Variants in CCDC163 observed in about 807,000 individuals in gnomAD.
CCDC163 encodes the protein transmembrane protein CCDC163.
Under a neutral mutation model 8.2 loss-of-function variants are expected in CCDC163, and 13 were observed. The observed-to-expected ratio is 1.59, with a 90% CI of 1.04 to 2.54. The LOEUF (loss-of-function observed/expected upper bound fraction) is 2.54. CCDC163 is among the 30% of genes most tolerant of loss of function. CCDC163 has a pLI of 0.00. For missense variants in CCDC163, 117 were observed against 78.6 expected (o/e 1.49, Z -1.85); for synonymous variants, 41 against 30.9 (o/e 1.33, Z -1.08).
chr1:45,497,935 G>A (rs1470416133), intron 2 of CCDC163, among the ~76,000 whole-genome samples: 1 of 147,800 alleles, frequency 6.8e-6, no homozygotes, highest in Admixed American at 6.7e-5. Flanking sequence ...TTGTGGAATA[G>A]AAAGGGGGGA....
Position 45,495,033 on chromosome 1 carries a change from A to G in CCDC163, c.*26T>C. 1 of 780,720 alleles carries G rather than the reference A, an allele frequency of 1.3e-6. No individual in the cohort carries two copies. Among genetic ancestry groups the G allele is most frequent in the South Asian group, 1.3e-5 (1 of 74,604 alleles). The allele number at this position is 780,720 out of a possible 1,614,324, so 48.4% of individuals were successfully genotyped here. A position where few individuals can be genotyped will look rare whatever the true frequency, so the allele number is the denominator to read the frequency against. ...TGGGCAAAGAAGCCTTCATCCTACT[A>G]TTCTTAACGAGTCCTTACAGGTCAT... On this transcript the variant is annotated 3_prime_UTR_variant, in exon 5 of 5. Coordinates refer to ENST00000629482, the MANE Select transcript of CCDC163 (RefSeq NM_001102601.3).
rs71052890 is a variant in CCDC163 at position 45,495,655 on chromosome 1, C to CTTT, written c.331-492_331-490dup. On this transcript the variant is annotated intron_variant, in intron 4 of 4. Transcript: ENST00000629482. ...AGGCTAGGACTCTGGTCTCCTCCCTCTTTTTTTTTTTTTTTTTTTTTTTTT... is the reference window on the plus strand; with the variant it reads ...AGGCTAGGACTCTGGTCTCCTCCCTCTTTTTTTTTTTTTTTTTTTTTTTTTTTT... 207 of 470,422 alleles carry CTTT rather than the reference C, an allele frequency of 4.4e-4. 1 individual carries two copies. Among genetic ancestry groups the CTTT allele is most frequent in the East Asian group, 1.6e-3 (49 of 30,034 alleles). 29.1% of individuals were successfully genotyped at this position (470,422 alleles called of 1,614,324 possible).
intron 4 of CCDC163, chr1:45,496,337 A>G (rs1654128527): frequency 1.5e-6 from 1 of 657,306 alleles, no homozygotes; most frequent in South Asian, 1.5e-5. Flanking sequence ...TCTTCAGCAC[A>G]CTTGGAACCC....
Position 45,499,664 on chromosome 1 carries a change from C to T in CCDC163, c.-55G>A. 2 of 724,204 alleles carry T rather than the reference C, an allele frequency of 2.8e-6. No individual in the cohort carries two copies. Among genetic ancestry groups the T allele is most frequent in the Admixed American group, 2.0e-5 (1 of 50,118 alleles). 44.9% of individuals were successfully genotyped at this position (724,204 alleles called of 1,614,324 possible). A position where few individuals can be genotyped will look rare whatever the true frequency, so the allele number is the denominator to read the frequency against. ...GGCTCCCTGGTGTCTTGTGCTTGCT[C>T]TCCTAGCGGGGGATACCCAAGGTAT... On this transcript the variant is annotated 5_prime_UTR_variant, in exon 1 of 5. Coordinates refer to ENST00000629482, the MANE Select transcript of CCDC163 (RefSeq NM_001102601.3).
intron 4 of CCDC163, chr1:45,495,503 A>C (rs777621435): frequency 1.0e-5 from 7 of 702,898 alleles, no homozygotes; most frequent in South Asian, 7.4e-5. Context: ...TGGTGAAGGT[A>C]GTGGGCAGAG....
chr1:45,494,770 A>C lies in CCDC163; in HGVS notation c.*289T>G. On this transcript the variant is annotated 3_prime_UTR_variant, in exon 5 of 5. Transcript: ENST00000629482. ...TCAGAAGTTCAAGACCAGACTGGCC[A>C]ACATGGTGAAACCCCATCTCTACTA... 2.8e-6 allele frequency: 1 copy of C among 357,564 alleles called. No homozygotes were observed. The highest frequency in any genetic ancestry group is 6.0e-5 in the East Asian group (1 of 16,628). The allele number at this position is 357,564 out of a possible 1,614,324, so 22.1% of individuals were successfully genotyped here. A position where few individuals can be genotyped will look rare whatever the true frequency, so the allele number is the denominator to read the frequency against.
intron 4 of CCDC163, chr1:45,495,655 CTTT>C: frequency 2.7e-3 from 1,267 of 467,088 alleles, no homozygotes; most frequent in Middle Eastern, 4.1e-3. Flanking sequence ...TCTCCTCCCT[CTTT>C]TTTTTTTTTT....
At position 45,495,950 on chromosome 1, in the gene CCDC163, G is replaced by A. The variant is rs188904041; in HGVS notation, c.330+606C>T. 1.9e-3 allele frequency among the ~76,000 whole-genome samples: 285 copies of A among 152,110 alleles called. 1 individual carries two copies. Among genetic ancestry groups the A allele is most frequent in the African/African-American group, 6.3e-3 (262 of 41,508 alleles). ...TGGGATTATAGGCGTGAGCCACCGC[G>A]CCCTGCCAATCTCTCCTCCCTCTGT... On this transcript the variant is annotated intron_variant, in intron 4 of 4. Transcript: ENST00000629482.
rs1450895839 is a variant in CCDC163, at chr1:45,499,460, T to A, written c.79-17A>T. The A allele has an allele frequency of 1.3e-6, 1 of 778,314 alleles. No individual in the cohort carries two copies. The highest frequency in any genetic ancestry group is 1.3e-5 in the South Asian group (1 of 74,122). The allele number at this position is 778,314 out of a possible 1,614,324, so 48.2% of individuals were successfully genotyped here. ...CAGCCACTGCTACAAAAGAAACAGA[T>A]GCACAGGCCAATGAACTCTGAGAGT... On this transcript the variant is annotated splice_polypyrimidine_tract_variant and intron_variant, in intron 1 of 4. Transcript: ENST00000629482.
intron 2 of CCDC163, among the ~76,000 whole-genome samples, chr1:45,498,048 CT>C (rs1487464618): frequency 2.0e-5 from 3 of 150,870 alleles, no homozygotes; most frequent in Non-Finnish European, 4.4e-5. Context: ...AAAAATTCTT[CT>C]GCCTTGGGAT....
chr1:45,495,625 T>A, intron 4 of CCDC163: 1 of 675,916 alleles, frequency 1.5e-6, no homozygotes, highest in Non-Finnish European at 2.7e-6. Context: ...CTGTCCTCCT[T>A]CCTCAGGCTA....
Position 45,500,011 on chromosome 1 carries a change from G to C in CCDC163, c.-402C>G, listed in dbSNP as rs896319684. The C allele has an allele frequency of 2.0e-6, 1 of 508,668 alleles. No homozygotes were observed. Among genetic ancestry groups the C allele is most frequent in the Non-Finnish European group, 3.6e-6 (1 of 279,318 alleles). 31.5% of individuals were successfully genotyped at this position (508,668 alleles called of 1,614,324 possible). Reference sequence around the variant, plus strand: ...GTCCGACTTTGGACTGGCTGCCGCAGCGCCACCTGGGAAACTGAGGTCGCC... The same window carrying C: ...GTCCGACTTTGGACTGGCTGCCGCACCGCCACCTGGGAAACTGAGGTCGCC... On this transcript the variant is annotated 5_prime_UTR_variant, in exon 1 of 5. Transcript: ENST00000629482.
At chr1:45,499,001 C>T (rs574053297) in intron 2 of CCDC163, among the ~76,000 whole-genome samples, 9 of 152,286 alleles carry the variant, frequency 5.9e-5, no homozygotes, top group African/African-American at 2.2e-4. Flanking sequence ...CTCACCTGAG[C>T]CTGACATTGA....
At chr1:45,495,845 A>T (rs1328454801) in intron 4 of CCDC163, among the ~76,000 whole-genome samples, 1 of 151,804 alleles carries the variant, frequency 6.6e-6, no homozygotes, top group Non-Finnish European at 1.5e-5. Flanking sequence ...TTTTGTAGAG[A>T]TGGGGTTTCA....
At chr1:45,497,138 A>C (rs1654225653) in intron 3 of CCDC163, among the ~76,000 whole-genome samples, 161 bp downstream of exon 3, 1 of 152,188 alleles carries the variant, frequency 6.6e-6, no homozygotes, top group African/African-American at 2.4e-5. Flanking sequence ...GCGCCATTGC[A>C]ACACAGCCTT....
chr1:45,495,414 T>C lies in CCDC163; in HGVS notation c.331-248A>G, dbSNP rs751785507. 1.3e-5 allele frequency: 9 copies of C among 702,840 alleles called. No individual in the cohort carries two copies. The highest frequency in any genetic ancestry group is 2.3e-5 in the Non-Finnish European group (9 of 384,834). 43.5% of individuals were successfully genotyped at this position (702,840 alleles called of 1,614,324 possible). A position where few individuals can be genotyped will look rare whatever the true frequency, so the allele number is the denominator to read the frequency against. On this transcript the variant is annotated intron_variant, in intron 4 of 4. Coordinates refer to ENST00000629482, the MANE Select transcript of CCDC163 (RefSeq NM_001102601.3). Reference sequence around the variant, plus strand: ...AAAACGGGAATCCTTGTCCTTATCCTTACCTGGCTTCCATAAAAGTTCCCA... The same window carrying C: ...AAAACGGGAATCCTTGTCCTTATCCCTACCTGGCTTCCATAAAAGTTCCCA...
In CCDC163 at chr1:45,494,641, T is replaced by A. The variant is rs957425300; in HGVS notation, c.*418A>T. The A allele has an allele frequency of 2.3e-5, 5 of 217,744 alleles. No homozygotes were observed. The highest frequency in any genetic ancestry group is 4.7e-5 in the Non-Finnish European group (5 of 107,230). The allele number at this position is 217,744 out of a possible 1,614,324, so 13.5% of individuals were successfully genotyped here. On this transcript the variant is annotated 3_prime_UTR_variant, in exon 5 of 5. Coordinates refer to ENST00000629482, the MANE Select transcript of CCDC163 (RefSeq NM_001102601.3). ...TGGGAACTCCCATTACTTTCCAAGT[T>A]CAACTGAGCTTGCACTCAGAAGGTA...
intron 2 of CCDC163, 75 bp from the exon 3 acceptor site, chr1:45,497,458 T>C: frequency 1.4e-6 from 1 of 710,278 alleles, no homozygotes; most frequent in Non-Finnish European, 2.6e-6. Context: ...TTAGAGAGGA[T>C]GATCCCCAAC....
In CCDC163 at chr1:45,498,305, T is replaced by C. The variant is rs899185802; in HGVS notation, c.178-922A>G. The C allele has an allele frequency of 3.7e-5, 6 of 163,072 alleles. No individual in the cohort carries two copies. In the Admixed American group the frequency reaches 4.0e-4, roughly 11 times the overall value. 10.1% of individuals were successfully genotyped at this position (163,072 alleles called of 1,614,324 possible). A position where few individuals can be genotyped will look rare whatever the true frequency, so the allele number is the denominator to read the frequency against. On this transcript the variant is annotated intron_variant, in intron 2 of 4. Transcript: ENST00000629482. The stretch of plus-strand genomic sequence containing the variant: ...GACCTTTGTTCACTTGTTTATCTGC[T>C]GACCTTCCCTCCACTATTGTCCTAT...
Sources: allele counts gnomAD v4.1 joint callset (sites outside exome capture counted in the v4.1 genomes callset), GRCh38; gene constraint gnomAD v4.1.1; transcripts MANE v1.5; gene names NCBI Gene and HGNC (gene_info 2026-07-23, HGNC 2026-07-21).